The following PRH1 variants were observed in gnomAD, a reference collection of about 807,000 sequenced individuals.
The protein encoded by PRH1 is salivary acidic proline-rich phosphoprotein 1/2.
PRH1 carries 7 observed loss-of-function variants against 7.9 expected under a neutral mutation model. The ratio of observed to expected loss-of-function variants is 0.89; its 90% confidence interval spans 0.50 to 1.67. The LOEUF (loss-of-function observed/expected upper bound fraction) is 1.67. Ranked by LOEUF, PRH1 falls within the 40% of genes most tolerant of loss-of-function variation. The pLI is 0.00. For synonymous variants in PRH1, 45 were observed against 80.8 expected, an observed-to-expected ratio of 0.56 and a Z score of 2.38; for missense variants, 109 against 223.6, an observed-to-expected ratio of 0.49 and a Z score of 3.27.
At chr12:11,022,550 T>C (rs774200056) in intron 1 of PRH1, 2 of 1,611,306 alleles carry the variant, frequency 1.2e-6, no homozygotes, top group Non-Finnish European at 1.7e-6. Context: ...ATTGATGAAA[T>C]GATGAGCAGA....
chr12:10,993,049 C>T (rs1393939779), intron 1 of PRH1, among the ~76,000 whole-genome samples: 1 of 152,188 alleles, frequency 6.6e-6, no homozygotes, highest in Non-Finnish European at 1.5e-5. Flanking sequence ...GATCCCTATT[C>T]TGTTAACCTA....
chr12:11,096,314 T>A lies in PRH1; in HGVS notation n.124-49126A>T, dbSNP rs1352896375. 1.7e-5 allele frequency among the ~76,000 whole-genome samples: 2 copies of A among 115,878 alleles called. 1 individual carries two copies. The highest frequency in any genetic ancestry group is 4.1e-5 in the Non-Finnish European group (2 of 49,158). The allele number at this position is 115,878 out of a possible 152,430, so 76.0% of individuals were successfully genotyped here. ...CTTCCAATTCACTAATTCTTTCTTA[T>A]GTTTAACTGGTTGTTAACGCTATTG... is the stretch of plus-strand genomic sequence containing the variant. On this transcript the variant is annotated intron_variant and non_coding_transcript_variant, in intron 1 of 4. Transcript: ENST00000541977.
intron 1 of PRH1, among the ~76,000 whole-genome samples, chr12:11,106,594 T>C (rs1945423500): frequency 8.7e-6 from 1 of 114,632 alleles, no homozygotes; most frequent in African/African-American, 3.0e-5. Flanking sequence ...CATATATGAA[T>C]ATTTGGTTTT....
chr12:10,881,650 AG>A (rs1428443195), intron 3 of PRH1, among the ~76,000 whole-genome samples: 1 of 152,214 alleles, frequency 6.6e-6, no homozygotes, highest in East Asian at 1.9e-4. Flanking sequence ...AAAGAGTAAA[AG>A]GTGGGGGTTT....
chr12:10,941,535 T>C (rs1950400612), intron 2 of PRH1, among the ~76,000 whole-genome samples: 1 of 149,998 alleles, frequency 6.7e-6, no homozygotes, highest in Admixed American at 6.7e-5. Flanking sequence ...AATGTTTGAA[T>C]TTATTTATTA....
chr12:10,955,689 T>C (rs937277201), intron 2 of PRH1, among the ~76,000 whole-genome samples: 1 of 150,300 alleles, frequency 6.7e-6, no homozygotes, highest in East Asian at 2.0e-4. Flanking sequence ...ACCAGACTAA[T>C]AAAGAAAAAA....
intron 1 of PRH1, among the ~76,000 whole-genome samples, chr12:11,040,374 C>T (rs1942657387): frequency 6.6e-6 from 1 of 152,166 alleles, no homozygotes; most frequent in African/African-American, 2.4e-5. Context: ...CTCTGTGCCT[C>T]AGTATAATCA....
chr12:11,079,937 A>C lies in PRH1; in HGVS notation n.124-32749T>G, dbSNP rs1288920985. Among the ~76,000 whole-genome samples the C allele has an allele frequency of 4.0e-5, 5 of 125,894 alleles. 2 individuals carry two copies. The highest frequency in any genetic ancestry group is 5.5e-5 in the Non-Finnish European group (3 of 54,094). The allele number at this position is 125,894 out of a possible 152,430, so 82.6% of individuals were successfully genotyped here. On this transcript the variant is annotated intron_variant and non_coding_transcript_variant, in intron 1 of 4. Coordinates refer to the PRH1 transcript ENST00000541977. ...CCTGATTAATAATTTTTATATTATA[A>C]CTAGACTGCACACTTAGAAATGAGC... is the stretch of plus-strand genomic sequence containing the variant.
chr12:10,945,322 T>C (rs1316828324), intron 2 of PRH1, among the ~76,000 whole-genome samples: 1 of 152,190 alleles, frequency 6.6e-6, no homozygotes, highest in African/African-American at 2.4e-5. Context: ...TTCACTTAGG[T>C]TCTTTTCTAT....
rs1485076575 is a variant in PRH1, at chr12:11,139,135, T to TATGAGAATATGCTGTATCACCC, written n.40-17977_40-17956dup. Reference sequence around the variant, plus strand: ...CAAAAACTCTAATTACAATGGTATCTATGAGAATATGCTGTATCACCCTGA... The same window carrying TATGAGAATATGCTGTATCACCC: ...CAAAAACTCTAATTACAATGGTATCTATGAGAATATGCTGTATCACCCATGAGAATATGCTGTATCACCCTGA... On this transcript the variant is annotated intron_variant and non_coding_transcript_variant, in intron 1 of 1. Transcript: ENST00000541175. Among the ~76,000 whole-genome samples, 8 of 152,242 alleles carry TATGAGAATATGCTGTATCACCC rather than the reference T, an allele frequency of 5.3e-5. No individual in the cohort carries two copies. The South Asian group carries it at 8.3e-4, about 16-fold the overall frequency.
chr12:11,114,559 C>T (rs61912130), intron 1 of PRH1, among the ~76,000 whole-genome samples: 33,902 of 151,836 alleles, frequency 0.22, 3,823 homozygotes, highest in Non-Finnish European at 0.24. Flanking sequence ...ATGTAGATGA[C>T]GGGTTGATGG....
intron 1 of PRH1, chr12:11,031,206 C>A (rs370880260): frequency 9.3e-6 from 15 of 1,614,018 alleles, no homozygotes; most frequent in Admixed American, 1.7e-5. Context: ...ATCTGGTCAG[C>A]AAAAGAGATC....
intron 1 of PRH1, among the ~76,000 whole-genome samples, chr12:11,139,166 T>C (rs1946637328): frequency 6.6e-6 from 1 of 152,240 alleles, no homozygotes; most frequent in Non-Finnish European, 1.5e-5. Flanking sequence ...CCTGAATTTA[T>C]ACGTAGAAAT....
chr12:11,113,842 G>T (rs1945657644), intron 1 of PRH1, among the ~76,000 whole-genome samples: 1 of 151,930 alleles, frequency 6.6e-6, no homozygotes. Flanking sequence ...AAAGTGGGTG[G>T]AGGATATGAG....
At chr12:11,114,666 A>G (rs907768578) in intron 1 of PRH1, among the ~76,000 whole-genome samples, 17 of 152,158 alleles carry the variant, frequency 1.1e-4, no homozygotes, top group African/African-American at 4.1e-4. Context: ...AAAAAATAAT[A>G]GCCACAACAA....
chr12:10,912,000 T>G (rs186899349), intron 2 of PRH1, among the ~76,000 whole-genome samples: 2 of 152,324 alleles, frequency 1.3e-5, no homozygotes, highest in East Asian at 3.9e-4. Flanking sequence ...AGCTTGGTTT[T>G]GCCTGGTTTT....
At chr12:10,953,639 G>A (rs1937799253) in intron 2 of PRH1, among the ~76,000 whole-genome samples, 1 of 152,042 alleles carries the variant, frequency 6.6e-6, no homozygotes, top group Non-Finnish European at 1.5e-5. Context: ...ATGACTCATT[G>A]GCATCCATGA....
chr12:10,945,596 G>A (rs180718655), intron 2 of PRH1, among the ~76,000 whole-genome samples: 5 of 152,312 alleles, frequency 3.3e-5, no homozygotes, highest in African/African-American at 1.2e-4. Context: ...AGGACCACAA[G>A]ACCGGGGCAA....
At chr12:11,011,011 T>C (rs1466233874) in intron 1 of PRH1, among the ~76,000 whole-genome samples, 2 of 152,038 alleles carry the variant, frequency 1.3e-5, no homozygotes, top group Non-Finnish European at 2.9e-5. Context: ...GTTTGTAGCA[T>C]ATTGTAAGGG....
Sources: gnomAD v4.1 joint callset for allele counts (sites outside exome capture counted in the v4.1 genomes callset) on GRCh38, gnomAD v4.1.1 for gene constraint, MANE v1.5 for transcripts, NCBI Gene and HGNC (gene_info 2026-07-23, HGNC 2026-07-21) for gene names.